TEAD1: variants seen among roughly 807,000 people sequenced by gnomAD.
TEAD1 encodes transcriptional enhancer factor TEF-1.
TEAD1 carries 9 observed loss-of-function variants against 54.9 expected under a neutral mutation model. The ratio of observed to expected loss-of-function variants is 0.16; its 90% CI spans 0.10 to 0.29. The LOEUF is 0.29. Among genes scored for constraint, TEAD1 ranks in the 10% least tolerant of loss-of-function variants. The pLI, the probability that TEAD1 is intolerant of heterozygous loss-of-function variation, is 1.00. For synonymous variants in TEAD1, 200 were observed against 187.8 expected (o/e 1.07, Z -0.53); for missense variants, 387 against 535.9 (o/e 0.72, Z 2.74).
intron 3 of TEAD1, among the ~76,000 whole-genome samples, chr11:12,854,533 A>G (rs1947334198): frequency 6.6e-6 from 1 of 152,122 alleles, no homozygotes; most frequent in Non-Finnish European, 1.5e-5. Context: ...ACCAGTTCTC[A>G]TGGGTTGGAG....
At chr11:12,703,915 G>A (rs2133842053) in intron 2 of TEAD1, among the ~76,000 whole-genome samples, 2 of 152,264 alleles carry the variant, frequency 1.3e-5, no homozygotes, top group South Asian at 4.2e-4. Flanking sequence ...ATGGGGTAGT[G>A]TAAATTTGCA....
chr11:12,767,895 G>T (rs1431734608), intron 3 of TEAD1, among the ~76,000 whole-genome samples: 1 of 152,174 alleles, frequency 6.6e-6, no homozygotes, highest in African/African-American at 2.4e-5. Flanking sequence ...TTTCCTGGTA[G>T]ATCATGGGAG....
Position 12,704,393 on chromosome 11 carries a change from A to G in TEAD1, c.-55+28832A>G, listed in dbSNP as rs536476585. On this transcript the variant is annotated intron_variant, in intron 2 of 12. Coordinates refer to ENST00000527636, the MANE Select transcript of TEAD1 (RefSeq NM_021961.6). The stretch of plus-strand genomic sequence containing the variant: ...CTTCCAGCCTCCTGGCCAGTCAACC[A>G]TGTTCTTCTGTCTCAGCCACTTGCA... 2.2e-4 allele frequency among the ~76,000 whole-genome samples: 33 copies of G among 152,200 alleles called. 1 individual carries two copies. Among genetic ancestry groups the G allele is most frequent in the South Asian group, 8.3e-4 (4 of 4,834 alleles).
At chr11:12,878,795 A>ATG in intron 5 of TEAD1, 1 of 747,188 alleles carries the variant, frequency 1.3e-6, no homozygotes, top group Non-Finnish European at 1.9e-6. Context: ...ATATGTATAT[A>ATG]TACACATATA....
Position 12,924,809 on chromosome 11 carries a change from C to T in TEAD1, c.874-103C>T. ...TGAGCATCACCTTCCCAAGCCAGCC[C>T]TCTTCATTCAGCCAAGCAGAGGTCT... On this transcript the variant is annotated intron_variant, in intron 10 of 12. Transcript: ENST00000527636. 4 of 1,417,482 alleles carry T rather than the reference C, an allele frequency of 2.8e-6. No homozygotes were observed. The South Asian group carries it at 4.6e-5, about 16-fold the overall frequency. 87.8% of individuals were successfully genotyped at this position (1,417,482 alleles called of 1,614,324 possible).
chr11:12,937,932 G>T lies in TEAD1; in HGVS notation c.*710G>T, dbSNP rs1207538932. On this transcript the variant is annotated 3_prime_UTR_variant, in exon 13 of 13. Transcript: ENST00000527636. ...CCTAATCCATTAAACTCTTGAACAG[G>T]TATTACAAAGGAAGAAAACTTCACC... 6.6e-6 allele frequency: 1 copy of T among 151,906 alleles called. No individual in the cohort carries two copies. The highest frequency in any genetic ancestry group is 2.1e-4 in the South Asian group (1 of 4,808). The allele number at this position is 151,906 out of a possible 1,614,324, so 9.4% of individuals were successfully genotyped here.
At chr11:12,927,825 T>TAA in intron 11 of TEAD1, among the ~76,000 whole-genome samples, 1 of 152,304 alleles carries the variant, frequency 6.6e-6, no homozygotes, top group Middle Eastern at 3.4e-3. Context: ...AAGCTCTTGA[T>TAA]TTTGCATATC....
intron 3 of TEAD1, among the ~76,000 whole-genome samples, chr11:12,786,019 C>T (rs1019773723): frequency 9.2e-5 from 14 of 152,194 alleles, no homozygotes; most frequent in Non-Finnish European, 1.6e-4. Flanking sequence ...GCAACTCAGC[C>T]ATGCAATCTT....
intron 2 of TEAD1, among the ~76,000 whole-genome samples, chr11:12,759,638 G>A (rs182102804): frequency 1.3e-5 from 2 of 152,142 alleles, no homozygotes; most frequent in African/African-American, 2.4e-5. Flanking sequence ...CAAGGTGGGC[G>A]GATTATGAGG....
intron 10 of TEAD1, among the ~76,000 whole-genome samples, chr11:12,909,538 AG>A (rs1948581744): frequency 7.7e-6 from 1 of 130,620 alleles, no homozygotes; most frequent in Non-Finnish European, 1.6e-5. Context: ...GTGGGGGGCG[AG>A]GGGAGGGAAC....
intron 3 of TEAD1, among the ~76,000 whole-genome samples, chr11:12,787,405 T>C (rs1945701337): frequency 6.6e-6 from 1 of 152,220 alleles, no homozygotes. Context: ...AGTTCCCTAA[T>C]GGTTCCTATT....
chr11:12,893,712 C>G (rs1027974359), intron 9 of TEAD1, among the ~76,000 whole-genome samples: 1 of 152,080 alleles, frequency 6.6e-6, no homozygotes, highest in Non-Finnish European at 1.5e-5. Flanking sequence ...GGATGCATCT[C>G]GGTGTGAGAT....
rs116130040 is a variant in TEAD1, at chr11:12,783,814, G to A, written c.202+19380G>A. ...GGTAAGCATGTGGGATGTCTAGAAGGGTGGATGGAGTGTGGGGTGGCTTGT... is the reference window on the plus strand; with the variant it reads ...GGTAAGCATGTGGGATGTCTAGAAGAGTGGATGGAGTGTGGGGTGGCTTGT... On this transcript the variant is annotated intron_variant, in intron 3 of 12. Coordinates refer to ENST00000527636, the MANE Select transcript of TEAD1 (RefSeq NM_021961.6). Among the ~76,000 whole-genome samples, 231 of 152,304 alleles carry A rather than the reference G, an allele frequency of 1.5e-3. 1 individual carries two copies. The highest frequency in any genetic ancestry group is 5.1e-3 in the African/African-American group (212 of 41,568).
intron 3 of TEAD1, among the ~76,000 whole-genome samples, chr11:12,799,991 T>G (rs751055659): frequency 2.7e-4 from 41 of 152,158 alleles, no homozygotes; most frequent in Non-Finnish European, 5.7e-4. Flanking sequence ...GAGTAAAAAT[T>G]TTGCAAGGCT....
At chr11:12,781,418 A>G (rs1256219515) in intron 3 of TEAD1, among the ~76,000 whole-genome samples, 1 of 152,208 alleles carries the variant, frequency 6.6e-6, no homozygotes. Context: ...TTTTCAAATC[A>G]TAAATCTAGT....
chr11:12,852,986 T>C (rs755665494), intron 3 of TEAD1, among the ~76,000 whole-genome samples: 5 of 152,212 alleles, frequency 3.3e-5, no homozygotes, highest in Non-Finnish European at 5.9e-5. Context: ...TGACTTGTTT[T>C]TAATTCATAG....
Position 12,726,069 on chromosome 11 carries a change from C to A in TEAD1, c.-54-38110C>A, listed in dbSNP as rs183483818. Among the ~76,000 whole-genome samples the A allele has an allele frequency of 1.6e-3, 245 of 152,298 alleles. 2 individuals carry two copies. The highest frequency in any genetic ancestry group is 4.0e-3 in the Admixed American group (61 of 15,302). On this transcript the variant is annotated intron_variant, in intron 2 of 12. Coordinates refer to ENST00000527636, the MANE Select transcript of TEAD1 (RefSeq NM_021961.6). The stretch of plus-strand genomic sequence containing the variant: ...GCTTAGGCTGTGAATGAAACAGGCA[C>A]AGTCCTGTCTTCAAGGAACATAAAA...
At chr11:12,830,968 C>T (rs1024808384) in intron 3 of TEAD1, among the ~76,000 whole-genome samples, 4 of 152,186 alleles carry the variant, frequency 2.6e-5, no homozygotes, top group Non-Finnish European at 4.4e-5. Flanking sequence ...TCCTGCCCTT[C>T]ATCTGCCGCA....
chr11:12,793,448 T>C (rs1324002865), intron 3 of TEAD1, among the ~76,000 whole-genome samples: 1 of 152,178 alleles, frequency 6.6e-6, no homozygotes, highest in Non-Finnish European at 1.5e-5. Context: ...TATCTTATAG[T>C]TTTTTTGATT....
Sources: allele counts gnomAD v4.1 joint callset (sites outside exome capture counted in the v4.1 genomes callset), GRCh38; gene constraint gnomAD v4.1.1; transcripts MANE v1.5; gene names NCBI Gene and HGNC (gene_info 2026-07-23, HGNC 2026-07-21).